GPAT3: variants seen among roughly 807,000 people sequenced by gnomAD.
GPAT3 encodes 1-AGP acyltransferase 9.
GPAT3 carries 53 observed loss-of-function variants against 58.8 expected under a neutral mutation model. The ratio of observed to expected loss-of-function variants is 0.90; its 90% CI spans 0.72 to 1.13. The LOEUF (loss-of-function observed/expected upper bound fraction) is 1.13. Ranked by LOEUF, GPAT3 falls within the 50% of genes most tolerant of loss-of-function variation. The pLI, the probability that GPAT3 is intolerant of heterozygous loss-of-function variation, is 0.00. For synonymous variants in GPAT3, 197 were observed against 187.4 expected, an observed-to-expected ratio of 1.05 and a Z score of -0.42; for missense variants, 511 against 527.6, an observed-to-expected ratio of 0.97 and a Z score of 0.31.
chr4:83,571,216 A>G (rs1188465684), intron 2 of GPAT3, among the ~76,000 whole-genome samples: 2 of 152,126 alleles, frequency 1.3e-5, no homozygotes, highest in Non-Finnish European at 2.9e-5. Flanking sequence ...TATAATGTCG[A>G]TTGATAATTG....
intron 2 of GPAT3, among the ~76,000 whole-genome samples, chr4:83,564,506 C>T (rs926811356): frequency 6.6e-6 from 1 of 152,048 alleles, no homozygotes; most frequent in Non-Finnish European, 1.5e-5. Context: ...CAAGACCAGC[C>T]TGGACAACAT....
At chr4:83,570,252 C>T (rs910459459) in intron 2 of GPAT3, among the ~76,000 whole-genome samples, 10 of 152,152 alleles carry the variant, frequency 6.6e-5, no homozygotes, top group African/African-American at 2.4e-4. Context: ...ACTTTAATTT[C>T]CTCATGTATA....
In GPAT3 at chr4:83,571,684, GTATATA is replaced by G. The variant is rs147620205; in HGVS notation, c.209-9869_209-9864del. Among the ~76,000 whole-genome samples, 5 of 147,746 alleles carry G rather than the reference GTATATA, an allele frequency of 3.4e-5. No homozygotes were observed. In the East Asian group the frequency reaches 5.9e-4, roughly 18 times the overall value. On this transcript the variant is annotated intron_variant, in intron 2 of 11. Transcript: ENST00000264409. ...TTTTCCCCCACTCATATATATATGT[GTATATA>G]TATATATACACACACACATATATAT...
Position 83,581,715 on chromosome 4 carries a change from T to C in GPAT3, c.362T>C (p.Leu121Pro), listed in dbSNP as rs753736595. The change falls in exon 3 of 12, where the codon CTA (leucine) becomes CCA (proline). Residue 121 changes from leucine to proline, a missense_variant. Coordinates refer to ENST00000264409, the MANE Select transcript of GPAT3 (RefSeq NM_032717.5). ...EVTQRFSSEE[L>P]VSWNLLTRTN... ...ACCCAGAGGTTTTCCTCAGAGGAGCTAGTGTCATGGAATCTCCTCACAAGA... is the reference window on the plus strand; with the variant it reads ...ACCCAGAGGTTTTCCTCAGAGGAGCCAGTGTCATGGAATCTCCTCACAAGA... 9 of 1,614,190 alleles carry C rather than the reference T, an allele frequency of 5.6e-6. No individual in the cohort carries two copies. In the South Asian group the frequency reaches 9.9e-5, roughly 18 times the overall value.
At chr4:83,591,477 G>A (rs907863432) in intron 6 of GPAT3, among the ~76,000 whole-genome samples, 1 of 152,120 alleles carries the variant, frequency 6.6e-6, no homozygotes, top group Non-Finnish European at 1.5e-5. Flanking sequence ...ATGAGAATTG[G>A]TAGTTCTTAA....
At chr4:83,581,473 A>G (rs1285631290) in intron 2 of GPAT3, 89 bp from the exon 3 acceptor site, 2 of 1,376,254 alleles carry the variant, frequency 1.5e-6, no homozygotes, top group African/African-American at 1.5e-5. Flanking sequence ...CTTGTTTGGC[A>G]TATTTAACTT....
chr4:83,584,510 CTTTAT>C (rs1331759222), intron 3 of GPAT3, among the ~76,000 whole-genome samples: 3 of 152,094 alleles, frequency 2.0e-5, no homozygotes, highest in East Asian at 3.8e-4. Flanking sequence ...GAATTGCATA[CTTTAT>C]TTTATTTATT....
chr4:83,544,628 G>GT (rs1214729046), intron 2 of GPAT3, 26 bp downstream of exon 2: 1 of 1,609,736 alleles, frequency 6.2e-7, no homozygotes, highest in South Asian at 1.1e-5. Flanking sequence ...CATTATGATT[G>GT]TTACCATATT....
At position 83,579,037 on chromosome 4, in the gene GPAT3, T is replaced by TC. The variant is rs1560620977; in HGVS notation, c.209-2524dup. On this transcript the variant is annotated intron_variant, in intron 2 of 11. Transcript: ENST00000264409. ...CTTTCCCTTTCTTTCTTTCTTTCTT[T>TC]CTTTCTTTCTTTCTTTCTTTCTTTC... Among the ~76,000 whole-genome samples the TC allele has an allele frequency of 2.8e-4, 7 of 25,318 alleles. No homozygotes were observed. In the South Asian group the frequency reaches 0.01, roughly 36 times the overall value. 16.6% of individuals were successfully genotyped at this position (25,318 alleles called of 152,430 possible).
upstream of GPAT3, chr4:83,535,983 A>T (rs921874213): frequency 1.0e-6 from 1 of 985,474 alleles, no homozygotes. Flanking sequence ...GGAAGAACGG[A>T]GACCGCCCAG....
At chr4:83,566,765 T>C (rs1381600774) in intron 2 of GPAT3, among the ~76,000 whole-genome samples, 1 of 151,534 alleles carries the variant, frequency 6.6e-6, no homozygotes, top group African/African-American at 2.4e-5. Context: ...TAGATTTTCT[T>C]TTTTTTTCCC....
intron 1 of GPAT3, among the ~76,000 whole-genome samples, chr4:83,538,810 T>C (rs1312404604): frequency 6.6e-6 from 1 of 152,136 alleles, no homozygotes; most frequent in Non-Finnish European, 1.5e-5. Context: ...AGAATGCCAG[T>C]TTTCTAATTC....
At chr4:83,574,926 A>G (rs1578182684) in intron 2 of GPAT3, among the ~76,000 whole-genome samples, 1 of 127,248 alleles carries the variant, frequency 7.9e-6, no homozygotes, top group Admixed American at 1.0e-4. Context: ...CCCAGGCCGG[A>G]GTGCAGTGGC....
At chr4:83,548,264 G>A (rs1277582202) in intron 2 of GPAT3, among the ~76,000 whole-genome samples, 1 of 152,054 alleles carries the variant, frequency 6.6e-6, no homozygotes, top group East Asian at 1.9e-4. Context: ...TGGACCCTGG[G>A]ACTTGGTCTG....
chr4:83,593,861 G>T (rs1028638916), intron 6 of GPAT3, among the ~76,000 whole-genome samples: 4 of 151,984 alleles, frequency 2.6e-5, no homozygotes, highest in South Asian at 4.1e-4. Context: ...TCTGTCATTC[G>T]CTCCTTACTG....
At chr4:83,552,484 T>A (rs1724791970) in intron 2 of GPAT3, among the ~76,000 whole-genome samples, 1 of 152,162 alleles carries the variant, frequency 6.6e-6, no homozygotes, top group South Asian at 2.1e-4. Flanking sequence ...AGGAGCAGAA[T>A]TTGATGCTAC....
In GPAT3 at chr4:83,590,293, G is replaced by C. The variant is rs1726549443; in HGVS notation, c.738+1G>C. On this transcript the variant is annotated splice_donor_variant, in intron 6 of 11. Coordinates refer to ENST00000264409, the MANE Select transcript of GPAT3 (RefSeq NM_032717.5). LOFTEE classifies it high-confidence loss of function. ...GACAACGGATGGATGTTATGCTATG[G>C]TAAGAGCAGCTCATTGATATTTCAA... 1.2e-6 allele frequency: 2 copies of C among 1,612,450 alleles called. No homozygotes were observed. Among genetic ancestry groups the C allele is most frequent in the Non-Finnish European group, 1.7e-6 (2 of 1,178,936 alleles).
chr4:83,560,167 C>T (rs1725080938), intron 2 of GPAT3, among the ~76,000 whole-genome samples: 2 of 152,172 alleles, frequency 1.3e-5, no homozygotes, highest in Admixed American at 6.5e-5. Flanking sequence ...GAAAGAAGAG[C>T]TTTGATTGCC....
chr4:83,580,753 GCTTA>G (rs1461330853), intron 2 of GPAT3, among the ~76,000 whole-genome samples: 1 of 151,944 alleles, frequency 6.6e-6, no homozygotes, highest in African/African-American at 2.4e-5. Flanking sequence ...TGTGAACTTT[GCTTA>G]CTTTTATGCA....
Sources: allele counts gnomAD v4.1 joint callset (sites outside exome capture counted in the v4.1 genomes callset), GRCh38; gene constraint gnomAD v4.1.1; transcripts MANE v1.5; gene names NCBI Gene and HGNC (gene_info 2026-07-23, HGNC 2026-07-21).